DNLZ: variants seen among roughly 807,000 people sequenced by gnomAD.
The protein encoded by DNLZ is DNL-type zinc finger.
DNLZ carries 15 observed loss-of-function variants against 7.8 expected under a neutral mutation model. The observed-to-expected ratio is 1.91, with a 90% CI of 1.28 to 2.95. DNLZ has a LOEUF of 2.95. Among genes scored for constraint, DNLZ ranks in the 30% most tolerant of loss-of-function variants. The pLI, the probability that DNLZ is intolerant of heterozygous loss-of-function variation, is 0.00. For missense variants in DNLZ, 255 were observed against 167.3 expected, an observed-to-expected ratio of 1.52 and a Z score of -2.89; for synonymous variants, 123 against 77.8, an observed-to-expected ratio of 1.58 and a Z score of -3.05.
rs778158039 is a variant in DNLZ at position 136,363,567 on chromosome 9, T to G, written c.148A>C (p.Ser50Arg). The change falls in exon 1 of 3, where the codon AGC becomes CGC. Residue 50 changes from serine (S) to arginine (R), a missense_variant. By Grantham distance (110) the Ser-to-Arg change is moderately radical. Transcript: ENST00000371738. ...RAWAWGWRRS[S>R]SEQGPGPAAA... The stretch of plus-strand genomic sequence containing the variant: ...GCGGGCCCCGGCCCCTGCTCGGAGC[T>G]TGAGCGCCGCCAGCCCCAGGCCCAG... The G allele has an allele frequency of 3.7e-5, 25 of 677,676 alleles. No individual in the cohort carries two copies. The highest frequency in any genetic ancestry group is 6.4e-5 in the Non-Finnish European group (24 of 375,724). The allele number at this position is 677,676 out of a possible 1,614,324, so 42.0% of individuals were successfully genotyped here.
rs774610536 is a variant in DNLZ, at chr9:136,361,676, C to G, written c.*336G>C. The G allele has an allele frequency of 5.2e-5, 13 of 248,134 alleles. No individual in the cohort carries two copies. Among genetic ancestry groups the G allele is most frequent in the Non-Finnish European group, 9.2e-5 (12 of 130,856 alleles). The allele number at this position is 248,134 out of a possible 1,614,324, so 15.4% of individuals were successfully genotyped here. A position where few individuals can be genotyped will look rare whatever the true frequency, so the allele number is the denominator to read the frequency against. On this transcript the variant is annotated 3_prime_UTR_variant, in exon 3 of 3. Transcript: ENST00000371738. ...AGGCTCACAGGGGTGGTGACCTGCT[C>G]AAAGTCACGCAGCGACAGCCAGGAA...
In DNLZ at chr9:136,362,979, C is replaced by T. The variant is rs761524648; in HGVS notation, c.368+10G>A. The stretch of plus-strand genomic sequence containing the variant: ...GGCCTTCTGGCCCAGCCCTGGGGTA[C>T]AGGCCTCACCTCTTCCCATTCAGGT... On this transcript the variant is annotated intron_variant, in intron 2 of 2. Transcript: ENST00000371738. 3 of 1,613,412 alleles carry T rather than the reference C, an allele frequency of 1.9e-6. No homozygotes were observed. The highest frequency in any genetic ancestry group is 2.2e-5 in the East Asian group (1 of 44,884).
In DNLZ at chr9:136,363,055, G is replaced by C. The variant is rs202220572; in HGVS notation, c.302C>G (p.Pro101Arg). The stretch of plus-strand genomic sequence containing the variant: ...GATGATATGGTGGTTCTGGCAGCCG[G>C]GGCAGGTCACAATGACCACGCCTTG... ...YHQGVVIVTC[P>R]GCQNHHIIAD... Residue 101 changes from proline (P) to arginine (R), a missense_variant, in exon 2 of 3, where the codon CCC becomes CGC. Transcript: ENST00000371738. 6.2e-7 allele frequency: 1 copy of C among 1,613,766 alleles called. No homozygotes were observed. Among genetic ancestry groups the C allele is most frequent in the Non-Finnish European group, 8.5e-7 (1 of 1,179,974 alleles).
chr9:136,362,204 G>T, intron 2 of DNLZ, 24 bp from the exon 3 acceptor site: 1 of 1,460,822 alleles, frequency 6.8e-7, no homozygotes. Flanking sequence ...AGGCAACATG[G>T]CTCTTCAGGG....
At chr9:136,362,576 C>T (rs540072556) in intron 2 of DNLZ, among the ~76,000 whole-genome samples, 20 of 152,332 alleles carry the variant, frequency 1.3e-4, no homozygotes, top group African/African-American at 4.8e-4. Flanking sequence ...AGGCTCCCGG[C>T]ACCACCTCCA....
chr9:136,362,125 C>T lies in DNLZ; in HGVS notation c.424G>A (p.Glu142Lys), dbSNP rs147703592. Residue 142 changes from glutamate to lysine, a missense_variant, in exon 3 of 3, where the codon GAG becomes AAG. By Grantham distance (56) the Glu-to-Lys change is moderately conservative. Transcript: ENST00000371738. ...RGEQVHRVAG[E>K]GALELVLEAA... The stretch of plus-strand genomic sequence containing the variant: ...TCCAGAACCAGTTCCAGGGCCCCCT[C>T]GCCCGCCACACGGTGCACCTGCTCG... The T allele has an allele frequency of 8.9e-3, 13,383 of 1,501,754 alleles. 66 individuals are homozygous for T. The highest frequency in any genetic ancestry group is 0.011 in the Non-Finnish European group (11,933 of 1,129,328). 93.0% of individuals were successfully genotyped at this position (1,501,754 alleles called of 1,614,324 possible). A position where few individuals can be genotyped will look rare whatever the true frequency, so the allele number is the denominator to read the frequency against.
rs1832992435 is a variant in DNLZ, at chr9:136,362,192, G to A, written c.369-12C>T. On this transcript the variant is annotated splice_polypyrimidine_tract_variant and intron_variant, in intron 2 of 2. Transcript: ENST00000371738. ...TCTCTTCGATATTTCTGGGGGGCAG[G>A]GAGGCAACATGGCTCTTCAGGGCCC... 1 of 1,477,786 alleles carries A rather than the reference G, an allele frequency of 6.8e-7. No homozygotes were observed. The highest frequency in any genetic ancestry group is 1.5e-5 in the African/African-American group (1 of 67,822). 91.5% of individuals were successfully genotyped at this position (1,477,786 alleles called of 1,614,324 possible).
chr9:136,363,440 G>T (rs1382450433), intron 1 of DNLZ, 47 bp downstream of exon 1: 15 of 761,968 alleles, frequency 2.0e-5, no homozygotes, highest in Admixed American at 3.4e-5. Flanking sequence ...AGGCCGTGTA[G>T]CGTCAGATAC....
Position 136,359,569 on chromosome 9 carries a change from G to C in DNLZ, c.*2443C>G, listed in dbSNP as rs973411603. 2.0e-5 allele frequency: 3 copies of C among 152,390 alleles called. No homozygotes were observed. Among genetic ancestry groups the C allele is most frequent in the Non-Finnish European group, 4.4e-5 (3 of 68,062 alleles). 9.4% of individuals were successfully genotyped at this position (152,390 alleles called of 1,614,324 possible). A position where few individuals can be genotyped will look rare whatever the true frequency, so the allele number is the denominator to read the frequency against. On this transcript the variant is annotated 3_prime_UTR_variant, in exon 3 of 3. Coordinates refer to ENST00000371738, the MANE Select transcript of DNLZ (RefSeq NM_001080849.3). ...ACCCAAGAGGTACATTTGTTTTTCTGTTTTTCCTGAAAAATAAAGTCGGCC... is the reference window on the plus strand; with the variant it reads ...ACCCAAGAGGTACATTTGTTTTTCTCTTTTTCCTGAAAAATAAAGTCGGCC...
rs903275162 is a variant in DNLZ, at chr9:136,362,361, T to C, written c.369-181A>G. On this transcript the variant is annotated intron_variant, in intron 2 of 2. Coordinates refer to ENST00000371738, the MANE Select transcript of DNLZ (RefSeq NM_001080849.3). ...TGTGCCCTCACCAGCCCTGTGTCTC[T>C]GCCGGTATGCGCCGCCTCAGGAACC... 5.3e-5 allele frequency among the ~76,000 whole-genome samples: 8 copies of C among 152,340 alleles called. No homozygotes were observed. In the East Asian group the frequency reaches 5.8e-4, roughly 11 times the overall value.
intron 1 of DNLZ, 66 bp downstream of exon 1, chr9:136,363,421 T>A (rs1299959910): frequency 2.6e-6 from 2 of 759,718 alleles, no homozygotes; most frequent in Non-Finnish European, 2.4e-6. Flanking sequence ...GCGGGCCGCT[T>A]CTCCCCGCAG....
chr9:136,360,863 G>A lies in DNLZ; in HGVS notation c.*1149C>T, dbSNP rs1832968998. 2 of 152,236 alleles carry A rather than the reference G, an allele frequency of 1.3e-5. No individual in the cohort carries two copies. Among genetic ancestry groups the A allele is most frequent in the Non-Finnish European group, 2.9e-5 (2 of 68,076 alleles). The allele number at this position is 152,236 out of a possible 1,614,324, so 9.4% of individuals were successfully genotyped here. ...CTGGACCTCCCCACATGCTGGTCCA[G>A]GCCCTCTGGAGGCAGTGAGGCAGCC... On this transcript the variant is annotated 3_prime_UTR_variant, in exon 3 of 3. Transcript: ENST00000371738.
chr9:136,362,085 G>A lies in DNLZ; in HGVS notation c.464C>T (p.Pro155Leu). ...LELVLEAAGAPTSTAAPEAGE... is the reference protein window; with the variant it reads ...LELVLEAAGALTSTAAPEAGE... ...CGCTTCCGGAGCTGCAGTGGATGTGGGGGCCCCTGCAGCCTCCAGAACCAG... is the reference window on the plus strand; with the variant it reads ...CGCTTCCGGAGCTGCAGTGGATGTGAGGGCCCCTGCAGCCTCCAGAACCAG... Residue 155 changes from proline to leucine, a missense_variant, in exon 3 of 3, where the codon CCC becomes CTC. Pro to Leu is a moderately conservative substitution (Grantham distance 98). Transcript: ENST00000371738. 1.4e-6 allele frequency: 2 copies of A among 1,457,642 alleles called. No homozygotes were observed. Among genetic ancestry groups the A allele is most frequent in the Non-Finnish European group, 9.1e-7 (1 of 1,100,988 alleles). 90.3% of individuals were successfully genotyped at this position (1,457,642 alleles called of 1,614,324 possible).
chr9:136,363,610 G>A lies in DNLZ; in HGVS notation c.105C>T (p.Val35=). Residue 35 remains valine (V), a synonymous_variant, in exon 1 of 3, where the codon GTC becomes GTT. Transcript: ENST00000371738. ...RLWGRGARPE[V]AGRRRAWAWG... Reference sequence around the variant, plus strand: ...AGGCCCAGGCCCGCCGCCTCCCCGCGACCTCTGGACGGGCCCCGCGGCCCC... The same window carrying A: ...AGGCCCAGGCCCGCCGCCTCCCCGCAACCTCTGGACGGGCCCCGCGGCCCC... 1 of 515,732 alleles carries A rather than the reference G, an allele frequency of 1.9e-6. No individual in the cohort carries two copies. Among genetic ancestry groups the A allele is most frequent in the Non-Finnish European group, 3.4e-6 (1 of 292,370 alleles). 31.9% of individuals were successfully genotyped at this position (515,732 alleles called of 1,614,324 possible).
chr9:136,361,981 C>T lies in DNLZ; in HGVS notation c.*31G>A, dbSNP rs1373894460. On this transcript the variant is annotated 3_prime_UTR_variant, in exon 3 of 3. Coordinates refer to ENST00000371738, the MANE Select transcript of DNLZ (RefSeq NM_001080849.3). ...GGGCCAAAACCTCCTTCTGGAAGGC[C>T]GAAGTCCCACAGTGCCGGGGAGCGC... 4 of 1,266,704 alleles carry T rather than the reference C, an allele frequency of 3.2e-6. No homozygotes were observed. Among genetic ancestry groups the T allele is most frequent in the Non-Finnish European group, 4.0e-6 (4 of 999,012 alleles). 78.5% of individuals were successfully genotyped at this position (1,266,704 alleles called of 1,614,324 possible).
At chr9:136,362,221 A>AG (rs1832993424) in intron 2 of DNLZ, 41 bp from the exon 3 acceptor site, 19 of 1,442,334 alleles carry the variant, frequency 1.3e-5, no homozygotes, top group Non-Finnish European at 1.6e-5. Flanking sequence ...AGGGCCCCCC[A>AG]GCCGCCCTGC....
rs781636929 is a variant in DNLZ at position 136,362,007 on chromosome 9, A to G, written c.*5T>C. On this transcript the variant is annotated 3_prime_UTR_variant, in exon 3 of 3. Transcript: ENST00000371738. ...GAAGTCCCACAGTGCCGGGGAGCGCAGGAGTCAGCTCGGCTCCGTCTTGCC... is the reference window on the plus strand; with the variant it reads ...GAAGTCCCACAGTGCCGGGGAGCGCGGGAGTCAGCTCGGCTCCGTCTTGCC... 2.8e-4 allele frequency: 369 copies of G among 1,303,504 alleles called. No individual in the cohort carries two copies. Among genetic ancestry groups the G allele is most frequent in the Non-Finnish European group, 3.5e-4 (355 of 1,017,110 alleles). The allele number at this position is 1,303,504 out of a possible 1,614,324, so 80.7% of individuals were successfully genotyped here. A position where few individuals can be genotyped will look rare whatever the true frequency, so the allele number is the denominator to read the frequency against.
In DNLZ at chr9:136,363,525, C is replaced by T. The variant is rs368570491; in HGVS notation, c.190G>A (p.Val64Met). 8.9e-5 allele frequency: 67 copies of T among 752,170 alleles called. No individual in the cohort carries two copies. The Admixed American group carries it at 1.0e-3, about 12-fold the overall frequency. 46.6% of individuals were successfully genotyped at this position (752,170 alleles called of 1,614,324 possible). A position where few individuals can be genotyped will look rare whatever the true frequency, so the allele number is the denominator to read the frequency against. ...GPGPAAALGR[V>M]EAAHYQLVYT... ...ACGAGCTGGTAGTGCGCCGCCTCCA[C>T]GCGCCCCAGAGCCGCCGCGGGCCCC... is the stretch of plus-strand genomic sequence containing the variant. The change falls in exon 1 of 3, where the codon GTG becomes ATG. Residue 64 changes from valine to methionine, a missense_variant. Transcript: ENST00000371738.
chr9:136,362,202 T>G (rs745859687), intron 2 of DNLZ, 22 bp from the exon 3 acceptor site: 1 of 1,467,446 alleles, frequency 6.8e-7, no homozygotes, highest in Admixed American at 2.8e-5. Context: ...GGAGGCAACA[T>G]GGCTCTTCAG....
Sources: gnomAD v4.1 joint callset for allele counts (sites outside exome capture counted in the v4.1 genomes callset) on GRCh38, gnomAD v4.1.1 for gene constraint, MANE v1.5 for transcripts, NCBI Gene and HGNC (gene_info 2026-07-23, HGNC 2026-07-21) for gene names.